Variants in BMP5 observed in about 807,000 individuals in gnomAD.
BMP5 encodes the protein bone morphogenetic protein 5.
Under a neutral mutation model 46.6 loss-of-function variants are expected in BMP5, and 23 were observed. The observed-to-expected ratio is 0.49, with a 90% CI of 0.35 to 0.70. The LOEUF (loss-of-function observed/expected upper bound fraction) is 0.70. Among genes scored for constraint, BMP5 ranks in the 30% least tolerant of loss-of-function variants. The pLI, the probability that BMP5 is intolerant of heterozygous loss-of-function variation, is 0.00. For synonymous variants in BMP5, 204 were observed against 191.9 expected, an observed-to-expected ratio of 1.06 and a Z score of -0.52; for missense variants, 545 against 565.6, an observed-to-expected ratio of 0.96 and a Z score of 0.37.
At chr6:55,791,790 A>T (rs1000109328) in intron 3 of BMP5, among the ~76,000 whole-genome samples, 1 of 152,168 alleles carries the variant, frequency 6.6e-6, no homozygotes, top group African/African-American at 2.4e-5. Flanking sequence ...GGCTGATCAT[A>T]TTTCATAGAT....
At chr6:55,802,136 A>G (rs576158256) in intron 2 of BMP5, among the ~76,000 whole-genome samples, 4 of 152,286 alleles carry the variant, frequency 2.6e-5, no homozygotes, top group East Asian at 1.9e-4. Flanking sequence ...CTATGATTCA[A>G]CTAGCAAAAT....
At chr6:55,759,428 T>C (rs1774712019) in intron 5 of BMP5, among the ~76,000 whole-genome samples, 1 of 151,838 alleles carries the variant, frequency 6.6e-6, no homozygotes, top group African/African-American at 2.4e-5. Flanking sequence ...GTATTAAACA[T>C]GTATTCACGA....
intron 3 of BMP5, 90 bp downstream of exon 3, chr6:55,794,189 A>G: frequency 7.2e-7 from 1 of 1,384,216 alleles, no homozygotes; most frequent in Non-Finnish European, 1.0e-6. Flanking sequence ...CATAAATATA[A>G]AACATATATT....
chr6:55,854,165 T>C (rs1777326850), intron 1 of BMP5, among the ~76,000 whole-genome samples: 1 of 152,148 alleles, frequency 6.6e-6, no homozygotes, highest in African/African-American at 2.4e-5. Context: ...TCTACTTTTA[T>C]ATATGTTGTG....
At chr6:55,860,724 A>G (rs1777511249) in intron 1 of BMP5, among the ~76,000 whole-genome samples, 1 of 152,216 alleles carries the variant, frequency 6.6e-6, no homozygotes, top group African/African-American at 2.4e-5. Context: ...GCTAAACGTC[A>G]GTATGTTAAC....
chr6:55,780,220 GA>G (rs3839434), intron 3 of BMP5, among the ~76,000 whole-genome samples: 122,925 of 151,290 alleles, frequency 0.81, 50,461 homozygotes, highest in African/African-American at 0.94. Flanking sequence ...AAGTAAAGGG[GA>G]AAAAAAAGAC....
intron 1 of BMP5, among the ~76,000 whole-genome samples, chr6:55,839,580 G>T (rs77443337): frequency 0.015 from 2,310 of 152,264 alleles, 51 homozygotes; most frequent in African/African-American, 0.052. Context: ...TTCCCAAAGT[G>T]CTGGAATTAT....
At position 55,871,784 on chromosome 6, in the gene BMP5, T is replaced by A. The variant is rs543150015; in HGVS notation, c.490+2592A>T. ...TAAAAGGATGCTACTAGATCCTTTT[T>A]ATATAATTCTTCTAATTATGGGAAA... On this transcript the variant is annotated intron_variant, in intron 1 of 6. Coordinates refer to ENST00000370830, the MANE Select transcript of BMP5 (RefSeq NM_021073.4). Among the ~76,000 whole-genome samples, 848 of 151,938 alleles carry A rather than the reference T, an allele frequency of 5.6e-3. 7 individuals are homozygous for A. The highest frequency in any genetic ancestry group is 0.041 in the South Asian group (196 of 4,822).
intron 1 of BMP5, among the ~76,000 whole-genome samples, chr6:55,830,845 A>G (rs1208362107): frequency 6.6e-6 from 1 of 152,162 alleles, no homozygotes; most frequent in Non-Finnish European, 1.5e-5. Context: ...AGCAGATACA[A>G]GTTTGAGGTT....
chr6:55,803,454 ATTTG>A (rs1287456006), intron 2 of BMP5, among the ~76,000 whole-genome samples: 1 of 152,188 alleles, frequency 6.6e-6, no homozygotes, highest in African/African-American at 2.4e-5. Flanking sequence ...TCCCTTGGGA[ATTTG>A]TTTGGGGCTG....
chr6:55,807,967 G>GCC (rs1188687059), intron 2 of BMP5, among the ~76,000 whole-genome samples: 1 of 152,204 alleles, frequency 6.6e-6, no homozygotes, highest in Non-Finnish European at 1.5e-5. Context: ...GGCATGGGGA[G>GCC]CAGGACCAGT....
At chr6:55,772,565 A>G (rs1249683779) in intron 4 of BMP5, among the ~76,000 whole-genome samples, 1 of 151,962 alleles carries the variant, frequency 6.6e-6, no homozygotes, top group East Asian at 1.9e-4. Context: ...CCTAGTATTT[A>G]CCAGGAAGAA....
At chr6:55,831,137 T>C (rs1776653976) in intron 1 of BMP5, among the ~76,000 whole-genome samples, 1 of 152,004 alleles carries the variant, frequency 6.6e-6, no homozygotes, top group Non-Finnish European at 1.5e-5. Context: ...ACAGCTAGGG[T>C]TATATCTTCT....
intron 1 of BMP5, among the ~76,000 whole-genome samples, chr6:55,833,962 T>C (rs75788512): frequency 0.019 from 2,927 of 152,258 alleles, 94 homozygotes; most frequent in African/African-American, 0.066. Context: ...TATAATTTCA[T>C]TTAATACAAT....
intron 1 of BMP5, among the ~76,000 whole-genome samples, chr6:55,858,454 T>G (rs949285744): frequency 5.3e-5 from 8 of 152,308 alleles, no homozygotes; most frequent in East Asian, 1.9e-4. Context: ...GAGGAATTTC[T>G]AAGCATAAGC....
At chr6:55,816,631 T>C (rs1244347188) in intron 2 of BMP5, among the ~76,000 whole-genome samples, 1 of 152,158 alleles carries the variant, frequency 6.6e-6, no homozygotes, top group Non-Finnish European at 1.5e-5. Flanking sequence ...TATAGGTCTT[T>C]CTGCCTTCAA....
chr6:55,811,373 G>T (rs1451914756), intron 2 of BMP5, among the ~76,000 whole-genome samples: 1 of 152,132 alleles, frequency 6.6e-6, no homozygotes, highest in Non-Finnish European at 1.5e-5. Flanking sequence ...TTAGGAAAAG[G>T]TTGATTCTAC....
In BMP5 at chr6:55,874,834, AT is replaced by A; in HGVS notation, c.31del (p.Ile11LeufsTer11). ...CCAGCAGCTCCAGAGGAAACCCACA[AT>A]ACCCTTAAGTAAAAATACAGTCAGA... The part of the protein sequence containing the change: MHLTVFLLKG[I>X]VGFLWSCWVL... On this transcript the variant is annotated frameshift_variant, in exon 1 of 7. Coordinates refer to ENST00000370830, the MANE Select transcript of BMP5 (RefSeq NM_021073.4). LOFTEE classifies it high-confidence loss of function. 1 of 1,613,340 alleles carries A rather than the reference AT, an allele frequency of 6.2e-7. No homozygotes were observed. Among genetic ancestry groups the A allele is most frequent in the Non-Finnish European group, 8.5e-7 (1 of 1,179,576 alleles).
intron 1 of BMP5, among the ~76,000 whole-genome samples, chr6:55,862,146 C>T (rs1253824648): frequency 6.6e-6 from 1 of 152,154 alleles, no homozygotes; most frequent in Non-Finnish European, 1.5e-5. Context: ...TGATAGAATG[C>T]TTTGTTGATG....
Sources: gnomAD v4.1 joint callset for allele counts (sites outside exome capture counted in the v4.1 genomes callset) on GRCh38, gnomAD v4.1.1 for gene constraint, MANE v1.5 for transcripts, NCBI Gene and HGNC (gene_info 2026-07-23, HGNC 2026-07-21) for gene names.